JAZF1: variants seen among roughly 807,000 people sequenced by gnomAD.
JAZF1 encodes the protein juxtaposed with another zinc finger protein 1.
Under a neutral mutation model 26.4 loss-of-function variants are expected in JAZF1, and 8 were observed. The observed-to-expected ratio is 0.30, with a 90% confidence interval of 0.18 to 0.55. The LOEUF is 0.55. Ranked by LOEUF, JAZF1 falls within the 20% of genes least tolerant of loss-of-function variation. JAZF1 has a pLI of 0.94. For synonymous variants in JAZF1, 126 were observed against 122.3 expected, an observed-to-expected ratio of 1.03 and a Z score of -0.20; for missense variants, 199 against 322.0, an observed-to-expected ratio of 0.62 and a Z score of 2.92.
intron 3 of JAZF1, among the ~76,000 whole-genome samples, chr7:27,892,967 A>C (rs1025413276): frequency 6.6e-6 from 1 of 152,238 alleles, no homozygotes; most frequent in Non-Finnish European, 1.5e-5. Flanking sequence ...TTGTAAAGAA[A>C]GAAGTTAAGG....
intron 1 of JAZF1, among the ~76,000 whole-genome samples, chr7:28,114,453 T>C (rs1444014185): frequency 2.0e-5 from 3 of 151,486 alleles, no homozygotes; most frequent in African/African-American, 7.3e-5. Context: ...GCTAGAACAC[T>C]CCAAAGAGGC....
intron 2 of JAZF1, among the ~76,000 whole-genome samples, chr7:27,907,482 G>A (rs1381891316): frequency 6.6e-6 from 1 of 152,196 alleles, no homozygotes; most frequent in African/African-American, 2.4e-5. Flanking sequence ...GTTGGGCTAA[G>A]ATAGGTATCG....
chr7:28,041,125 AG>A (rs1292483995), intron 1 of JAZF1, among the ~76,000 whole-genome samples: 2 of 152,146 alleles, frequency 1.3e-5, no homozygotes, highest in African/African-American at 4.8e-5. Context: ...AATCAGAGAG[AG>A]TATTTGGAGA....
chr7:28,023,992 A>C (rs1378612756), intron 1 of JAZF1, among the ~76,000 whole-genome samples: 2 of 152,154 alleles, frequency 1.3e-5, no homozygotes, highest in Non-Finnish European at 2.9e-5. Flanking sequence ...CGGCAGTAAA[A>C]GAAATATCTA....
At chr7:28,090,194 G>A (rs1283549773) in intron 1 of JAZF1, among the ~76,000 whole-genome samples, 1 of 152,174 alleles carries the variant, frequency 6.6e-6, no homozygotes, top group Non-Finnish European at 1.5e-5. Context: ...TACCTCATCG[G>A]ACTATAGTGA....
At chr7:27,956,413 G>A (rs560621525) in intron 2 of JAZF1, among the ~76,000 whole-genome samples, 32 of 152,268 alleles carry the variant, frequency 2.1e-4, no homozygotes, top group South Asian at 8.3e-4. Context: ...CAGGCATTCC[G>A]AAGATTTTAA....
intron 3 of JAZF1, among the ~76,000 whole-genome samples, chr7:27,857,963 G>C (rs1242884368): frequency 6.6e-6 from 1 of 152,192 alleles, no homozygotes. Context: ...AATTGTCTCT[G>C]TTTGAAGATG....
intron 2 of JAZF1, among the ~76,000 whole-genome samples, chr7:27,937,048 A>AT (rs1211665420): frequency 5.3e-5 from 8 of 151,968 alleles, no homozygotes; most frequent in Admixed American, 5.2e-4. Context: ...TCATCCTTAG[A>AT]TTTTCTTGTG....
At chr7:27,876,177 T>C (rs1783675920) in intron 3 of JAZF1, among the ~76,000 whole-genome samples, 1 of 152,248 alleles carries the variant, frequency 6.6e-6, no homozygotes. Context: ...CTTACTCCTT[T>C]AGGGGGCTAA....
chr7:27,869,971 C>T (rs1583439809), intron 3 of JAZF1, among the ~76,000 whole-genome samples: 2 of 152,048 alleles, frequency 1.3e-5, no homozygotes, highest in Admixed American at 6.5e-5. Flanking sequence ...TGCAGTGGCA[C>T]GATACTGGCT....
At chr7:27,879,323 T>C (rs1783729995) in intron 3 of JAZF1, among the ~76,000 whole-genome samples, 1 of 152,180 alleles carries the variant, frequency 6.6e-6, no homozygotes, top group African/African-American at 2.4e-5. Context: ...GCATGGTTCA[T>C]GGCGCCAGGA....
Position 27,831,304 on chromosome 7 carries a change from T to C in JAZF1, c.*1496A>G. The C allele has an allele frequency of 4.4e-6, 1 of 226,980 alleles. No homozygotes were observed. Among genetic ancestry groups the C allele is most frequent in the East Asian group, 6.4e-5 (1 of 15,716 alleles). The allele number at this position is 226,980 out of a possible 1,614,324, so 14.1% of individuals were successfully genotyped here. Reference sequence around the variant, plus strand: ...AGGAGGGACCCCTGCTTCCCAGTTATATGTGATGTAAGACTTTTCATCAAA... The same window carrying C: ...AGGAGGGACCCCTGCTTCCCAGTTACATGTGATGTAAGACTTTTCATCAAA... On this transcript the variant is annotated 3_prime_UTR_variant, in exon 5 of 5. Coordinates refer to ENST00000283928, the MANE Select transcript of JAZF1 (RefSeq NM_175061.4).
intron 1 of JAZF1, among the ~76,000 whole-genome samples, chr7:28,010,537 C>T (rs1034265289): frequency 6.6e-6 from 1 of 152,194 alleles, no homozygotes; most frequent in Non-Finnish European, 1.5e-5. Context: ...CAGAACACCT[C>T]GTCCTCACCT....
intron 2 of JAZF1, among the ~76,000 whole-genome samples, chr7:27,940,090 C>G (rs1043412662): frequency 6.6e-6 from 1 of 152,182 alleles, no homozygotes; most frequent in Admixed American, 6.5e-5. Flanking sequence ...AGAAACCCGG[C>G]TCCTGCCTGC....
chr7:27,958,723 G>C (rs1785140707), intron 2 of JAZF1, among the ~76,000 whole-genome samples: 1 of 152,214 alleles, frequency 6.6e-6, no homozygotes, highest in South Asian at 2.1e-4. Context: ...AAGGTGAAAT[G>C]TTCTGGCTTT....
chr7:27,931,100 T>G (rs1786814013), intron 2 of JAZF1, among the ~76,000 whole-genome samples: 1 of 152,214 alleles, frequency 6.6e-6, no homozygotes, highest in African/African-American at 2.4e-5. Flanking sequence ...CAGAAGGCCA[T>G]CTACAATGAG....
chr7:28,152,898 T>C (rs1352686201), intron 1 of JAZF1, among the ~76,000 whole-genome samples: 1 of 152,194 alleles, frequency 6.6e-6, no homozygotes, highest in Non-Finnish European at 1.5e-5. Context: ...AGAAATACAT[T>C]TGAATTTTAC....
Position 27,905,605 on chromosome 7 carries a change from A to C in JAZF1, c.189-10189T>G, listed in dbSNP as rs560716889. On this transcript the variant is annotated intron_variant, in intron 2 of 4. Transcript: ENST00000283928. ...TATTTTCTTTTTTAAAGGCAGCTAC[A>C]GTAAATTTATATTCTCTTTGGTATA... Among the ~76,000 whole-genome samples the C allele has an allele frequency of 6.6e-5, 10 of 150,742 alleles. No homozygotes were observed. The South Asian group carries it at 2.1e-3, about 32-fold the overall frequency.
intron 1 of JAZF1, among the ~76,000 whole-genome samples, chr7:28,144,115 A>G (rs765576792): frequency 2.6e-5 from 4 of 152,224 alleles, no homozygotes; most frequent in Non-Finnish European, 4.4e-5. Flanking sequence ...ATAATCACTA[A>G]TTAGATTTTC....
Sources: allele counts gnomAD v4.1 joint callset (sites outside exome capture counted in the v4.1 genomes callset), GRCh38; gene constraint gnomAD v4.1.1; transcripts MANE v1.5; gene names NCBI Gene and HGNC (gene_info 2026-07-23, HGNC 2026-07-21).